The following WNK2 variants were observed in gnomAD, a reference collection of about 807,000 sequenced individuals.
The protein encoded by WNK2 is WNK lysine deficient protein kinase 2.
In WNK2, 67 loss-of-function variants were observed where a neutral mutation model predicts 192.1. The ratio of observed to expected loss-of-function variants is 0.35; its 90% confidence interval spans 0.29 to 0.43. WNK2 has a LOEUF of 0.43. Ranked by LOEUF, WNK2 falls within the 20% of genes least tolerant of loss-of-function variation. WNK2 has a pLI of 1.00. For synonymous variants in WNK2, 1,439 were observed against 1,393.9 expected, an observed-to-expected ratio of 1.03 and a Z score of -0.72; for missense variants, 2,698 against 3,089.7, an observed-to-expected ratio of 0.87 and a Z score of 3.01.
chr9:93,250,931 T>C (rs1242466705), intron 8 of WNK2, among the ~76,000 whole-genome samples: 1 of 151,724 alleles, frequency 6.6e-6, no homozygotes, highest in Non-Finnish European at 1.5e-5. Flanking sequence ...ATTACAGGCA[T>C]GTGCCACCAT....
chr9:93,208,229 C>T (rs1327435289), intron 2 of WNK2, among the ~76,000 whole-genome samples: 3 of 152,208 alleles, frequency 2.0e-5, no homozygotes, highest in Non-Finnish European at 4.4e-5. Context: ...TGGAACTGGA[C>T]GTTTCCACTG....
chr9:93,268,521 G>T, intron 18 of WNK2, 106 bp from the exon 19 acceptor site: 1 of 1,507,580 alleles, frequency 6.6e-7, no homozygotes, highest in South Asian at 1.2e-5. Context: ...TAGGTGTAAA[G>T]GAGTTCACAG....
intron 15 of WNK2, 30 bp from the exon 16 acceptor site, chr9:93,263,887 C>T (rs772905378): frequency 1.3e-5 from 20 of 1,574,012 alleles, no homozygotes; most frequent in African/African-American, 6.8e-5. Flanking sequence ...TGGGTACGCC[C>T]GTGGTGGGTG....
In WNK2 at chr9:93,289,566, G is replaced by A. The variant is rs1848989045; in HGVS notation, c.4812G>A (p.Leu1604=). ...AGGTCTGCGGGGGGGACCTGGCCCT[G>A]CCCCCAGTGCCTAAGGAGGCGGTCT... ...RSEVCGGDLA[L]PPVPKEAVSG... Residue 1604 remains leucine, a synonymous_variant, in exon 20 of 30, where the codon CTG becomes CTA. Coordinates refer to ENST00000427277, the MANE Select transcript of WNK2 (RefSeq NM_006648.4). 3 of 1,538,674 alleles carry A rather than the reference G, an allele frequency of 1.9e-6. No individual in the cohort carries two copies. Among genetic ancestry groups the A allele is most frequent in the East Asian group, 2.3e-5 (1 of 43,778 alleles).
At chr9:93,320,131 T>G (rs1244353877) in intron 29 of WNK2, among the ~76,000 whole-genome samples, 3 of 152,052 alleles carry the variant, frequency 2.0e-5, no homozygotes, top group Non-Finnish European at 2.9e-5. Context: ...GAGCGTCTGT[T>G]TGGGTTTCTG....
chr9:93,267,487 C>T (rs1310305202), intron 16 of WNK2, among the ~76,000 whole-genome samples: 1 of 152,198 alleles, frequency 6.6e-6, no homozygotes, highest in Non-Finnish European at 1.5e-5. Context: ...GTAACCAGCT[C>T]CAGCTGGGGC....
Position 93,297,985 on chromosome 9 carries a change from A to G in WNK2, c.5841A>G (p.Arg1947=). The G allele has an allele frequency of 6.4e-7, 1 of 1,563,800 alleles. No individual in the cohort carries two copies. The highest frequency in any genetic ancestry group is 1.4e-5 in the African/African-American group (1 of 73,640). ...CGGCACCCCCCACTGGCCGCCGGAGAAAAACCAGCAAGAGCAAGCTGAAGG... is the reference window on the plus strand; with the variant it reads ...CGGCACCCCCCACTGGCCGCCGGAGGAAAACCAGCAAGAGCAAGCTGAAGG... ...FHTAPPTGRR[R]KTSKSKLKAG... Residue 1947 remains arginine (R), a synonymous_variant, in exon 24 of 30, where the codon AGA becomes AGG. Coordinates refer to ENST00000427277, the MANE Select transcript of WNK2 (RefSeq NM_006648.4).
At chr9:93,256,553 C>T (rs551420014) in intron 10 of WNK2, 99 bp downstream of exon 10, 11 of 1,341,532 alleles carry the variant, frequency 8.2e-6, no homozygotes, top group Middle Eastern at 2.7e-4. Flanking sequence ...ACAGACCCTT[C>T]GCTCAAATTC....
At chr9:93,299,750 C>A (rs971070156) in intron 25 of WNK2, among the ~76,000 whole-genome samples, 1 of 152,208 alleles carries the variant, frequency 6.6e-6, no homozygotes, top group Non-Finnish European at 1.5e-5. Context: ...ACAGCAGCAG[C>A]TGCTCAATAA....
In WNK2 at chr9:93,263,554, G is replaced by T; in HGVS notation, c.3411-12G>T. On this transcript the variant is annotated splice_polypyrimidine_tract_variant and intron_variant, in intron 14 of 29. Coordinates refer to ENST00000427277, the MANE Select transcript of WNK2 (RefSeq NM_006648.4). ...TCCTTTGGTGCCATTAATGTTCTTG[G>T]GTTTTGCTCAGCTATGGAGGTTCTG... 6.2e-7 allele frequency: 1 copy of T among 1,610,926 alleles called. No homozygotes were observed. The highest frequency in any genetic ancestry group is 8.5e-7 in the Non-Finnish European group (1 of 1,179,108).
Position 93,258,919 on chromosome 9 carries a change from T to C in WNK2, c.2383-12T>C, listed in dbSNP as rs779271294. ...TGGGGCCCACACTGACACACTCCTG[T>C]GTCTCTTTCAGATGCCCCCGATTCC... On this transcript the variant is annotated splice_polypyrimidine_tract_variant and intron_variant, in intron 11 of 29. Coordinates refer to ENST00000427277, the MANE Select transcript of WNK2 (RefSeq NM_006648.4). 6.2e-7 allele frequency: 1 copy of C among 1,605,218 alleles called. No homozygotes were observed. Among genetic ancestry groups the C allele is most frequent in the African/African-American group, 1.3e-5 (1 of 74,878 alleles).
At chr9:93,284,935 C>G (rs541759523) in intron 19 of WNK2, among the ~76,000 whole-genome samples, 1 of 152,216 alleles carries the variant, frequency 6.6e-6, no homozygotes, top group East Asian at 1.9e-4. Context: ...TTATCTACTC[C>G]AATATCAACC....
intron 2 of WNK2, among the ~76,000 whole-genome samples, chr9:93,212,181 G>A (rs900504725): frequency 6.6e-6 from 1 of 152,188 alleles, no homozygotes; most frequent in African/African-American, 2.4e-5. Flanking sequence ...ATTGTGGGAG[G>A]TGCCCCCAGA....
At position 93,259,069 on chromosome 9, in the gene WNK2, C is replaced by T. The variant is rs1429518746; in HGVS notation, c.2521C>T (p.Pro841Ser). The change falls in exon 12 of 30, where the codon CCG becomes TCG. Residue 841 changes from proline (P) to serine (S), a missense_variant. Pro to Ser is a moderately conservative substitution (Grantham distance 74). This residue lies in a region of WNK2 where 893 missense variants were observed against 909.0 expected (regional missense o/e 0.98). Coordinates refer to ENST00000427277, the MANE Select transcript of WNK2 (RefSeq NM_006648.4). This position sits in a 1 kb window ranked among gnomAD's most constrained non-coding sequence, Gnocchi z 4.8. The stretch of plus-strand genomic sequence containing the variant: ...GTATTTCTCTCCAGCCGTGATCTTG[C>T]CGAGCCTCGCTGCCCCACTCCCCCC... ...PQYFSPAVIL[P>S]SLAAPLPPAS... 1 of 1,613,254 alleles carries T rather than the reference C, an allele frequency of 6.2e-7. No individual in the cohort carries two copies. Among genetic ancestry groups the T allele is most frequent in the East Asian group, 2.2e-5 (1 of 44,856 alleles).
At chr9:93,248,484 T>TG (rs554619187) in intron 8 of WNK2, among the ~76,000 whole-genome samples, 36 of 152,320 alleles carry the variant, frequency 2.4e-4, no homozygotes, top group African/African-American at 8.2e-4. Context: ...TCTGGCCCCT[T>TG]GGGGGGAATG....
intron 26 of WNK2, among the ~76,000 whole-genome samples, chr9:93,303,959 C>T (rs1052003805): frequency 5.3e-5 from 8 of 152,170 alleles, no homozygotes; most frequent in African/African-American, 7.2e-5. Context: ...CCTGAGGGTG[C>T]GCGGGAAGTT....
intron 23 of WNK2, among the ~76,000 whole-genome samples, chr9:93,295,018 G>T (rs1231727296): frequency 1.3e-5 from 2 of 152,138 alleles, no homozygotes; most frequent in Non-Finnish European, 2.9e-5. Context: ...CGAGGTGCCT[G>T]TGCCTCATTG....
At chr9:93,226,192 G>A (rs973006749) in intron 2 of WNK2, among the ~76,000 whole-genome samples, 3 of 152,212 alleles carry the variant, frequency 2.0e-5, no homozygotes, top group African/African-American at 7.2e-5. Flanking sequence ...ACTTGCTCGG[G>A]GTTCTGACAT....
At chr9:93,269,034 T>C in intron 19 of WNK2, 1 of 1,265,084 alleles carries the variant, frequency 7.9e-7, no homozygotes, top group South Asian at 1.3e-5. Context: ...CTGTCCTTCC[T>C]TCACAGTGTT....
Sources: gnomAD v4.1 joint callset for allele counts (sites outside exome capture counted in the v4.1 genomes callset) on GRCh38, gnomAD v4.1.1 for gene constraint, gnomAD v4.1.1 regional missense constraint, Gnocchi (gnomAD v3.1) non-coding constraint, MANE v1.5 for transcripts, NCBI Gene and HGNC (gene_info 2026-07-23, HGNC 2026-07-21) for gene names.